Variants in CPPED1 observed in about 807,000 individuals in gnomAD.
CPPED1 encodes calcineurin like phosphoesterase domain containing 1.
Under a neutral mutation model 28.0 loss-of-function variants are expected in CPPED1, and 28 were observed. The ratio of observed to expected loss-of-function variants is 1.00; its 90% CI spans 0.74 to 1.37. The LOEUF (loss-of-function observed/expected upper bound fraction) is 1.37. CPPED1 is among the 40% of genes most tolerant of loss of function. The pLI is 0.00. For synonymous variants in CPPED1, 198 were observed against 180.2 expected, an observed-to-expected ratio of 1.10 and a Z score of -0.79; for missense variants, 504 against 416.5, an observed-to-expected ratio of 1.21 and a Z score of -1.83.
At chr16:12,723,664 T>C (rs2080154214) in intron 2 of CPPED1, among the ~76,000 whole-genome samples, 1 of 152,154 alleles carries the variant, frequency 6.6e-6, no homozygotes, top group African/African-American at 2.4e-5. Context: ...CCTGTGGTCC[T>C]TCCAGCCTTA....
Position 12,757,924 on chromosome 16 carries a change from G to A in CPPED1, c.289+23261C>T, listed in dbSNP as rs557463156. ...GCAAAATATATGGCAACAAAAGGAAGAAGAACACATTATTGAGGCAAATCA... is the reference window on the plus strand; with the variant it reads ...GCAAAATATATGGCAACAAAAGGAAAAAGAACACATTATTGAGGCAAATCA... On this transcript the variant is annotated intron_variant, in intron 2 of 3. Transcript: ENST00000381774. 2.6e-5 allele frequency: 4 copies of A among 151,754 alleles called. 1 individual carries two copies. Among genetic ancestry groups the A allele is most frequent in the African/African-American group, 9.7e-5 (4 of 41,410 alleles). The allele number at this position is 151,754 out of a possible 1,614,324, so 9.4% of individuals were successfully genotyped here. A position where few individuals can be genotyped will look rare whatever the true frequency, so the allele number is the denominator to read the frequency against.
chr16:12,677,364 C>T (rs371571383), intron 3 of CPPED1, among the ~76,000 whole-genome samples: 110 of 152,290 alleles, frequency 7.2e-4, no homozygotes, highest in African/African-American at 2.4e-3. Context: ...GTTGGCTGGG[C>T]GCGGTGGCTT....
At chr16:12,729,630 A>C (rs2080187357) in intron 2 of CPPED1, among the ~76,000 whole-genome samples, 1 of 152,236 alleles carries the variant, frequency 6.6e-6, no homozygotes. Context: ...GAAATGACTC[A>C]GAGGAAACAC....
At chr16:12,779,798 T>A (rs537450482) in intron 2 of CPPED1, among the ~76,000 whole-genome samples, 1 of 152,096 alleles carries the variant, frequency 6.6e-6, no homozygotes, top group Non-Finnish European at 1.5e-5. Flanking sequence ...CTAAAGGAGT[T>A]AGACATCATC....
At chr16:12,777,903 CTTTTTTT>C (rs67527035) in intron 2 of CPPED1, among the ~76,000 whole-genome samples, 1 of 126,610 alleles carries the variant, frequency 7.9e-6, no homozygotes, top group South Asian at 2.5e-4. Context: ...TTTCTATTTT[CTTTTTTT>C]TTTTTTTTTC....
At chr16:12,744,153 G>C (rs1333361388) in intron 2 of CPPED1, among the ~76,000 whole-genome samples, 21 of 152,034 alleles carry the variant, frequency 1.4e-4, no homozygotes, top group Admixed American at 1.4e-3. Flanking sequence ...GCAGGTGCCT[G>C]TTGTCCCAGC....
chr16:12,681,732 G>C (rs1318778142), intron 3 of CPPED1, among the ~76,000 whole-genome samples: 2 of 152,048 alleles, frequency 1.3e-5, no homozygotes, highest in Admixed American at 6.5e-5. Flanking sequence ...AGGTTCAGTG[G>C]TCACAGTTAT....
rs190039861 is a variant in CPPED1, at chr16:12,762,449, T to C, written c.289+18736A>G. Among the ~76,000 whole-genome samples, 8 of 152,336 alleles carry C rather than the reference T, an allele frequency of 5.3e-5. No individual in the cohort carries two copies. The East Asian group carries it at 1.3e-3, about 26-fold the overall frequency. On this transcript the variant is annotated intron_variant, in intron 2 of 3. Transcript: ENST00000381774. ...TCAACAATCTGCTTCTAAGAATTTA[T>C]CTCATAGTATAATAAAAAGTAGTAG...
chr16:12,778,268 T>C (rs894815190), intron 2 of CPPED1, among the ~76,000 whole-genome samples: 8 of 133,760 alleles, frequency 6.0e-5, no homozygotes, highest in Admixed American at 1.6e-4. Context: ...CTTTTTTCTT[T>C]CTTTCTTTCT....
intron 2 of CPPED1, among the ~76,000 whole-genome samples, chr16:12,780,122 G>A (rs1244650986): frequency 6.6e-6 from 1 of 152,124 alleles, no homozygotes; most frequent in Non-Finnish European, 1.5e-5. Context: ...CCACACTCTG[G>A]TGGAAGGGGG....
chr16:12,707,238 G>A (rs1032886451), intron 2 of CPPED1, among the ~76,000 whole-genome samples: 24 of 152,256 alleles, frequency 1.6e-4, no homozygotes, highest in African/African-American at 4.8e-4. Flanking sequence ...CCTCAAAGCC[G>A]CCCCTCTCAC....
intron 2 of CPPED1, among the ~76,000 whole-genome samples, chr16:12,728,278 A>G (rs1453930099): frequency 6.6e-6 from 1 of 152,188 alleles, no homozygotes; most frequent in Non-Finnish European, 1.5e-5. Context: ...AGCATATTAA[A>G]TGCCTTTGAT....
At chr16:12,774,687 C>T (rs1352884857) in intron 2 of CPPED1, among the ~76,000 whole-genome samples, 1 of 152,098 alleles carries the variant, frequency 6.6e-6, no homozygotes, top group Non-Finnish European at 1.5e-5. Flanking sequence ...AGAGGTGGGG[C>T]TTTTAAGAGG....
chr16:12,793,616 A>T (rs1465408656), intron 1 of CPPED1, among the ~76,000 whole-genome samples: 3 of 152,206 alleles, frequency 2.0e-5, no homozygotes, highest in Non-Finnish European at 4.4e-5. Context: ...GACTTAAAAC[A>T]TGTAAAGCAT....
chr16:12,681,698 G>C (rs559033591), intron 3 of CPPED1, among the ~76,000 whole-genome samples: 1 of 152,238 alleles, frequency 6.6e-6, no homozygotes, highest in South Asian at 2.1e-4. Flanking sequence ...TGCAGCAAAA[G>C]GTTTGAGAAA....
intron 1 of CPPED1, among the ~76,000 whole-genome samples, chr16:12,786,048 A>G (rs184713171): frequency 4.5e-4 from 68 of 152,298 alleles, no homozygotes; most frequent in Non-Finnish European, 8.1e-4. Context: ...AATGCTAATT[A>G]ACGAGGAGAA....
intron 2 of CPPED1, among the ~76,000 whole-genome samples, chr16:12,714,920 G>C (rs966052507): frequency 2.0e-5 from 3 of 151,630 alleles, no homozygotes; most frequent in Non-Finnish European, 4.4e-5. Context: ...CAGTTTTCTA[G>C]TTTTAGCTCT....
intron 3 of CPPED1, among the ~76,000 whole-genome samples, chr16:12,683,387 C>T (rs918218580): frequency 2.6e-5 from 4 of 152,098 alleles, no homozygotes; most frequent in African/African-American, 9.7e-5. Context: ...TGTCCATTCC[C>T]CTTCTCTCGT....
At chr16:12,685,475 A>C (rs2079927960) in intron 3 of CPPED1, among the ~76,000 whole-genome samples, 1 of 152,196 alleles carries the variant, frequency 6.6e-6, no homozygotes, top group Non-Finnish European at 1.5e-5. Flanking sequence ...GAATAAAATG[A>C]TAATAATAGC....
Sources: gnomAD v4.1 joint callset for allele counts (sites outside exome capture counted in the v4.1 genomes callset) on GRCh38, gnomAD v4.1.1 for gene constraint, MANE v1.5 for transcripts, NCBI Gene and HGNC (gene_info 2026-07-23, HGNC 2026-07-21) for gene names.